Variants in RAB8B observed in about 807,000 individuals in gnomAD.
RAB8B encodes the protein ras-related protein Rab-8B.
A neutral mutation model predicts 32.0 loss-of-function variants in RAB8B; 11 were observed. The ratio of observed to expected loss-of-function variants is 0.34; its 90% CI spans 0.22 to 0.57. RAB8B has a LOEUF of 0.57. RAB8B is among the 20% of genes least tolerant of loss of function. The pLI is 0.86. For missense variants in RAB8B, 190 were observed against 258.5 expected (o/e 0.73, Z 1.82); for synonymous variants, 103 against 89.6 (o/e 1.15, Z -0.85).
chr15:63,239,173 G>A (rs2038009918), intron 1 of RAB8B, among the ~76,000 whole-genome samples: 1 of 152,068 alleles, frequency 6.6e-6, no homozygotes, highest in African/African-American at 2.4e-5. Context: ...TTGATTTGGG[G>A]TTTCTGCTAT....
intron 1 of RAB8B, among the ~76,000 whole-genome samples, chr15:63,240,290 A>C (rs762977310): frequency 6.6e-6 from 1 of 152,230 alleles, no homozygotes; most frequent in South Asian, 2.1e-4. Context: ...CAAATAATCC[A>C]TGCATGAAGT....
intron 1 of RAB8B, among the ~76,000 whole-genome samples, chr15:63,221,469 T>C (rs188398762): frequency 3.4e-4 from 52 of 152,338 alleles, no homozygotes; most frequent in African/African-American, 1.2e-3. Flanking sequence ...ATATTAGTAC[T>C]GCTCTGGCTT....
chr15:63,240,134 A>G (rs569371670), intron 1 of RAB8B, among the ~76,000 whole-genome samples: 1 of 152,256 alleles, frequency 6.6e-6, no homozygotes, highest in Admixed American at 6.5e-5. Flanking sequence ...GAAAGGCTGT[A>G]TCACCAGGCT....
At chr15:63,202,815 T>C (rs960883264) in intron 1 of RAB8B, among the ~76,000 whole-genome samples, 6 of 152,228 alleles carry the variant, frequency 3.9e-5, no homozygotes, top group African/African-American at 1.4e-4. Flanking sequence ...CACAGTAGCA[T>C]TGTAAACTAG....
At chr15:63,252,316 T>C (rs1319062456) in intron 3 of RAB8B, among the ~76,000 whole-genome samples, 2 of 152,180 alleles carry the variant, frequency 1.3e-5, no homozygotes, top group African/African-American at 2.4e-5. Flanking sequence ...TTTACAAATA[T>C]CTCAGTAGAT....
intron 1 of RAB8B, among the ~76,000 whole-genome samples, chr15:63,215,161 A>G (rs2037782088): frequency 6.6e-6 from 1 of 152,174 alleles, no homozygotes; most frequent in South Asian, 2.1e-4. Flanking sequence ...TGTCCCTCAT[A>G]CCCATCCTTT....
Position 63,266,450 on chromosome 15 carries a change from T to G in RAB8B, c.*2831T>G, listed in dbSNP as rs938835313. 1 of 152,618 alleles carries G rather than the reference T, an allele frequency of 6.6e-6. No individual in the cohort carries two copies. The highest frequency in any genetic ancestry group is 1.5e-5 in the Non-Finnish European group (1 of 67,988). 9.5% of individuals were successfully genotyped at this position (152,618 alleles called of 1,614,324 possible). On this transcript the variant is annotated 3_prime_UTR_variant, in exon 8 of 8. Coordinates refer to ENST00000321437, the MANE Select transcript of RAB8B (RefSeq NM_016530.3). Reference sequence around the variant, plus strand: ...AGGTGCTGCAGGGTTTCTTACTATTTACAGAAACATTTTGTGCAGTCTTTG... The same window carrying G: ...AGGTGCTGCAGGGTTTCTTACTATTGACAGAAACATTTTGTGCAGTCTTTG...
At chr15:63,246,982 C>CTA (rs1462473078) in intron 2 of RAB8B, among the ~76,000 whole-genome samples, 1 of 152,214 alleles carries the variant, frequency 6.6e-6, no homozygotes, top group African/African-American at 2.4e-5. Flanking sequence ...GTGTTCCTTA[C>CTA]TGTATCACAC....
intron 1 of RAB8B, among the ~76,000 whole-genome samples, chr15:63,218,959 C>T (rs1165872491): frequency 6.8e-6 from 1 of 147,020 alleles, no homozygotes; most frequent in Admixed American, 6.8e-5. Flanking sequence ...TTTTCTCTCT[C>T]TCACTAAAAA....
chr15:63,218,083 A>C (rs2037809238), intron 1 of RAB8B, among the ~76,000 whole-genome samples: 1 of 151,858 alleles, frequency 6.6e-6, no homozygotes, highest in African/African-American at 2.4e-5. Flanking sequence ...TGTATGTTGT[A>C]CATGTGGTTA....
chr15:63,214,117 A>G (rs2037771197), intron 1 of RAB8B, among the ~76,000 whole-genome samples: 1 of 152,036 alleles, frequency 6.6e-6, no homozygotes, highest in Non-Finnish European at 1.5e-5. Flanking sequence ...TGCTATACCA[A>G]CGTGTAAAAT....
intron 1 of RAB8B, among the ~76,000 whole-genome samples, chr15:63,225,720 C>T (rs1567014367): frequency 6.6e-6 from 1 of 152,196 alleles, no homozygotes. Flanking sequence ...CATAACTTTT[C>T]ATTGTTGTAT....
chr15:63,259,294 T>C lies in RAB8B; in HGVS notation c.415-333T>C, dbSNP rs1310344996. 6.6e-6 allele frequency among the ~76,000 whole-genome samples: 1 copy of C among 151,882 alleles called. No homozygotes were observed. Among genetic ancestry groups the C allele is most frequent in the Non-Finnish European group, 1.5e-5 (1 of 67,982 alleles). On this transcript the variant is annotated intron_variant, in intron 5 of 7. Coordinates refer to ENST00000321437, the MANE Select transcript of RAB8B (RefSeq NM_016530.3). This position sits in a 1 kb window ranked among gnomAD's most constrained non-coding sequence, Gnocchi z 4.4. ...GCCACCACGCCCGGCTAATTTTTTG[T>C]ATTTTTAGTAGAGGCGGGGTTTCAT...
At chr15:63,260,691 A>T (rs189924746) in intron 6 of RAB8B, among the ~76,000 whole-genome samples, 50 of 152,136 alleles carry the variant, frequency 3.3e-4, no homozygotes, top group East Asian at 2.3e-3. Context: ...TAAAAAAAAA[A>T]AATAATAGGT....
chr15:63,204,939 C>G (rs1311348143), intron 1 of RAB8B, among the ~76,000 whole-genome samples: 1 of 152,038 alleles, frequency 6.6e-6, no homozygotes, highest in Non-Finnish European at 1.5e-5. Flanking sequence ...AGGAGGCTTG[C>G]TTGAGCTCAG....
chr15:63,209,185 C>A (rs2037725514), intron 1 of RAB8B, among the ~76,000 whole-genome samples: 1 of 151,102 alleles, frequency 6.6e-6, no homozygotes, highest in Non-Finnish European at 1.5e-5. Flanking sequence ...TCCTTTAGGA[C>A]AGAAACATGT....
At chr15:63,240,801 C>A (rs2038025624) in intron 1 of RAB8B, among the ~76,000 whole-genome samples, 1 of 101,798 alleles carries the variant, frequency 9.8e-6, no homozygotes. Flanking sequence ...AGGTAATGTT[C>A]CTAACAAAAA....
rs1482959164 is a variant in RAB8B at position 63,248,022 on chromosome 15, CT to C, written c.186-1621del. Among the ~76,000 whole-genome samples, 1 of 152,202 alleles carries C rather than the reference CT, an allele frequency of 6.6e-6. No individual in the cohort carries two copies. The highest frequency in any genetic ancestry group is 6.5e-5 in the Admixed American group (1 of 15,284). On this transcript the variant is annotated intron_variant, in intron 2 of 7. Transcript: ENST00000321437. The surrounding 1 kb of genome is among the most constrained non-coding windows in gnomAD (Gnocchi z 4.4). ...TTACATCTTTTCTCATGATCCCCTCCTTGGGTTTCTCAGAGAAATATGGTTA... is the reference window on the plus strand; with the variant it reads ...TTACATCTTTTCTCATGATCCCCTCCTGGGTTTCTCAGAGAAATATGGTTA...
intron 1 of RAB8B, among the ~76,000 whole-genome samples, chr15:63,219,004 ATTTTTTTTTTTT>A (rs71131152): frequency 1.8e-4 from 17 of 94,670 alleles, no homozygotes; most frequent in Non-Finnish European, 2.6e-4. Context: ...CCAGCAGTGG[ATTTTTTTTTTTT>A]TTTTTTTTTT....
Sources: allele counts gnomAD v4.1 joint callset (sites outside exome capture counted in the v4.1 genomes callset), GRCh38; gene constraint gnomAD v4.1.1; non-coding constraint Gnocchi (gnomAD v3.1); transcripts MANE v1.5; gene names NCBI Gene and HGNC (gene_info 2026-07-23, HGNC 2026-07-21).